PRMT8: variants seen among roughly 807,000 people sequenced by gnomAD.
PRMT8 encodes protein arginine N-methyltransferase 8.
In PRMT8, 7 loss-of-function variants were observed where a neutral mutation model predicts 47.1. The observed-to-expected ratio is 0.15, with a 90% confidence interval of 0.08 to 0.28. The LOEUF is 0.28. Among genes scored for constraint, PRMT8 ranks in the 10% least tolerant of loss-of-function variants. The pLI, the probability that PRMT8 is intolerant of heterozygous loss-of-function variation, is 1.00. For synonymous variants in PRMT8, 188 were observed against 186.5 expected (o/e 1.01, Z -0.07); for missense variants, 237 against 505.4 (o/e 0.47, Z 5.09).
chr12:3,443,092 T>C (rs1864820550), intron 1 of PRMT8, among the ~76,000 whole-genome samples: 1 of 152,196 alleles, frequency 6.6e-6, no homozygotes, highest in African/African-American at 2.4e-5. Flanking sequence ...TTAACACCTA[T>C]GTGTTTGTGG....
chr12:3,429,303 C>T (rs994517226), intron 1 of PRMT8, among the ~76,000 whole-genome samples: 2 of 151,694 alleles, frequency 1.3e-5, no homozygotes, highest in South Asian at 4.2e-4. Flanking sequence ...GCTGGCCAGC[C>T]TATTTCACAC....
chr12:3,530,820 G>A (rs1866018821), intron 1 of PRMT8, among the ~76,000 whole-genome samples: 1 of 152,196 alleles, frequency 6.6e-6, no homozygotes, highest in East Asian at 1.9e-4. Flanking sequence ...TGGTACTCCT[G>A]TACCACACGC....
intron 1 of PRMT8, among the ~76,000 whole-genome samples, chr12:3,539,954 C>G (rs1866190487): frequency 6.6e-6 from 1 of 152,142 alleles, no homozygotes; most frequent in Admixed American, 6.6e-5. Flanking sequence ...CTTGATGCTG[C>G]CTGTTGAGTG....
At chr12:3,533,403 C>T (rs530770366) in intron 1 of PRMT8, among the ~76,000 whole-genome samples, 1 of 152,294 alleles carries the variant, frequency 6.6e-6, no homozygotes, top group Non-Finnish European at 1.5e-5. Context: ...TGAATGTGGC[C>T]CAACACAAAT....
intron 1 of PRMT8, among the ~76,000 whole-genome samples, chr12:3,519,548 G>A (rs1865849326): frequency 6.6e-6 from 1 of 152,216 alleles, no homozygotes; most frequent in Non-Finnish European, 1.5e-5. Flanking sequence ...GGTTGCCTAT[G>A]GCAAAGGGTA....
chr12:3,556,834 G>T (rs1866536033), intron 4 of PRMT8, among the ~76,000 whole-genome samples: 1 of 151,820 alleles, frequency 6.6e-6, no homozygotes, highest in Non-Finnish European at 1.5e-5. Context: ...CCAGTGGAGG[G>T]GTGGTCTTTG....
In PRMT8 at chr12:3,526,743, C is replaced by A. The variant is rs12310995; in HGVS notation, c.76-13863C>A. 2.1e-3 allele frequency among the ~76,000 whole-genome samples: 321 copies of A among 152,132 alleles called. 1 individual carries two copies. Among genetic ancestry groups the A allele is most frequent in the African/African-American group, 7.1e-3 (295 of 41,504 alleles). ...GACTCCTTTATCATTATGAAATGAT[C>A]TTTTTCTCAGTGATAGTATTTGTTC... On this transcript the variant is annotated intron_variant, in intron 1 of 9. Transcript: ENST00000382622.
chr12:3,530,792 C>T (rs371946909), intron 1 of PRMT8, among the ~76,000 whole-genome samples: 10 of 152,332 alleles, frequency 6.6e-5, no homozygotes, highest in South Asian at 2.1e-4. Context: ...CAGAGTCATA[C>T]GGCGAGAGCG....
intron 1 of PRMT8, among the ~76,000 whole-genome samples, chr12:3,399,360 C>G (rs944506683): frequency 1.3e-5 from 2 of 152,168 alleles, no homozygotes; most frequent in African/African-American, 4.8e-5. Flanking sequence ...CAGTGTCAAG[C>G]TTTCAGGGAG....
intron 1 of PRMT8, 71 bp downstream of exon 1, chr12:3,491,771 G>C: frequency 6.5e-7 from 1 of 1,541,394 alleles, no homozygotes; most frequent in Non-Finnish European, 8.7e-7. Flanking sequence ...CGCCGCCGCC[G>C]CTCAGCGCCG....
Position 3,534,136 on chromosome 12 carries a change from C to T in PRMT8, c.76-6470C>T, listed in dbSNP as rs1048458188. 2.6e-5 allele frequency among the ~76,000 whole-genome samples: 4 copies of T among 152,268 alleles called. No homozygotes were observed. In the East Asian group the frequency reaches 5.8e-4, roughly 22 times the overall value. On this transcript the variant is annotated intron_variant, in intron 1 of 9. Transcript: ENST00000382622. Reference sequence around the variant, plus strand: ...ACCCCTACTCTGTCCCCTCCCACTGCGATCCTCTTTCTTCCCTCCGTGGGC... The same window carrying T: ...ACCCCTACTCTGTCCCCTCCCACTGTGATCCTCTTTCTTCCCTCCGTGGGC...
At position 3,467,820 on chromosome 12, in the gene PRMT8, A is replaced by G. The variant is rs111323134; in HGVS notation, c.49-72786A>G. Reference sequence around the variant, plus strand: ...TCATTCCTAGAACAGAACGCACCTGAAGCGAAGCGAAGGGACCTCAAGGGA... The same window carrying G: ...TCATTCCTAGAACAGAACGCACCTGGAGCGAAGCGAAGGGACCTCAAGGGA... On this transcript the variant is annotated intron_variant, in intron 1 of 9. Coordinates refer to the PRMT8 transcript ENST00000452611. Among the ~76,000 whole-genome samples, 1,494 of 152,328 alleles carry G rather than the reference A, an allele frequency of 9.8e-3. 28 individuals carry two copies. The highest frequency in any genetic ancestry group is 0.034 in the African/African-American group (1,394 of 41,562).
At chr12:3,470,192 G>C (rs1445923821) in intron 1 of PRMT8, among the ~76,000 whole-genome samples, 3 of 152,236 alleles carry the variant, frequency 2.0e-5, no homozygotes, top group Admixed American at 2.0e-4. Flanking sequence ...GGAATGGGAT[G>C]CTCTGTGTGT....
At chr12:3,432,669 C>T (rs999186701) in intron 1 of PRMT8, among the ~76,000 whole-genome samples, 2 of 152,160 alleles carry the variant, frequency 1.3e-5, no homozygotes, top group Admixed American at 6.5e-5. Context: ...GTCTCGGTGC[C>T]TGCCTGGCCT....
chr12:3,416,726 A>G (rs936115410), intron 1 of PRMT8, among the ~76,000 whole-genome samples: 2 of 152,150 alleles, frequency 1.3e-5, no homozygotes, highest in Non-Finnish European at 2.9e-5. Context: ...GAGTCAGGAG[A>G]GAGCAGATAT....
chr12:3,434,968 CTTTTTT>C (rs398044252), intron 1 of PRMT8, among the ~76,000 whole-genome samples: 1 of 130,720 alleles, frequency 7.6e-6, no homozygotes, highest in East Asian at 2.2e-4. Context: ...TTGCTTTGCT[CTTTTTT>C]TTTTTTTTTT....
chr12:3,512,683 C>T (rs893061268), intron 1 of PRMT8, among the ~76,000 whole-genome samples: 2 of 152,250 alleles, frequency 1.3e-5, no homozygotes, highest in African/African-American at 4.8e-5. Flanking sequence ...GATCAGCACT[C>T]ATTAACTCTT....
chr12:3,540,466 C>T lies in PRMT8; in HGVS notation c.76-140C>T. On this transcript the variant is annotated intron_variant, in intron 1 of 9. Coordinates refer to ENST00000382622, the MANE Select transcript of PRMT8 (RefSeq NM_019854.5). ...CCAACTGCTGGGAGCTGGAAGGGCTCACCTACCTCCCTTTCAGGAAGGGCT... is the reference window on the plus strand; with the variant it reads ...CCAACTGCTGGGAGCTGGAAGGGCTTACCTACCTCCCTTTCAGGAAGGGCT... 1.3e-5 allele frequency: 8 copies of T among 633,044 alleles called. No homozygotes were observed. In the South Asian group the frequency reaches 1.3e-4, roughly 11 times the overall value. The allele number at this position is 633,044 out of a possible 1,614,324, so 39.2% of individuals were successfully genotyped here. A position where few individuals can be genotyped will look rare whatever the true frequency, so the allele number is the denominator to read the frequency against.
intron 1 of PRMT8, among the ~76,000 whole-genome samples, chr12:3,447,102 C>T (rs892264188): frequency 4.6e-5 from 7 of 152,120 alleles, no homozygotes; most frequent in African/African-American, 1.4e-4. Context: ...GGGCAGCCCT[C>T]GTGAGCCAGA....
Sources: allele counts gnomAD v4.1 joint callset (sites outside exome capture counted in the v4.1 genomes callset), GRCh38; gene constraint gnomAD v4.1.1; transcripts MANE v1.5; gene names NCBI Gene and HGNC (gene_info 2026-07-23, HGNC 2026-07-21).